Variants in ECE1 observed in about 807,000 individuals in gnomAD.
ECE1 encodes the protein endothelin-converting enzyme 1.
A neutral mutation model predicts 98.6 loss-of-function variants in ECE1; 35 were observed. The observed-to-expected ratio is 0.35, with a 90% CI of 0.27 to 0.47. ECE1 has a LOEUF of 0.47. Among genes scored for constraint, ECE1 ranks in the 20% least tolerant of loss-of-function variants. The pLI is 1.00. For synonymous variants in ECE1, 394 were observed against 407.1 expected, an observed-to-expected ratio of 0.97 and a Z score of 0.39; for missense variants, 814 against 1,025.3, an observed-to-expected ratio of 0.79 and a Z score of 2.81.
In ECE1 at chr1:21,340,459, G is replaced by A. The variant is rs1196683846; in HGVS notation, c.3+4917C>T. Among the ~76,000 whole-genome samples, 1 of 152,202 alleles carries A rather than the reference G, an allele frequency of 6.6e-6. No individual in the cohort carries two copies. The highest frequency in any genetic ancestry group is 1.5e-5 in the Non-Finnish European group (1 of 68,052). ...CCTCCTCACTGGTTTCCCAGCCTTC[G>A]GCCTCACTCCTTCTACTCAATCACC... is the stretch of plus-strand genomic sequence containing the variant. On this transcript the variant is annotated intron_variant, in intron 1 of 18. Coordinates refer to the ECE1 transcript ENST00000415912. The surrounding 1 kb of genome is among the most constrained non-coding windows in gnomAD (Gnocchi z 4.6).
intron 4 of ECE1, among the ~76,000 whole-genome samples, chr1:21,270,304 T>C (rs1041226747): frequency 6.6e-6 from 1 of 152,232 alleles, no homozygotes; most frequent in African/African-American, 2.4e-5. Flanking sequence ...CTAAAGAGCA[T>C]GGTACAGTGC....
intron 14 of ECE1, among the ~76,000 whole-genome samples, chr1:21,231,243 G>A (rs1160843852): frequency 3.3e-5 from 5 of 152,238 alleles, no homozygotes; most frequent in Non-Finnish European, 7.3e-5. Context: ...GGGGAAGGGT[G>A]AGTGAGGAGT....
At chr1:21,308,050 C>T (rs1490643362) in intron 1 of ECE1, among the ~76,000 whole-genome samples, 1 of 152,184 alleles carries the variant, frequency 6.6e-6, no homozygotes, top group Non-Finnish European at 1.5e-5. Context: ...CATGAACGAG[C>T]TTGCTCCCAC....
In ECE1 at chr1:21,281,191, G is replaced by GAAAACAAAAC. The variant is rs112901908; in HGVS notation, c.139-1869_139-1860dup. Among the ~76,000 whole-genome samples the GAAAACAAAAC allele has an allele frequency of 3.1e-3, 475 of 151,720 alleles. 3 individuals carry two copies. Among genetic ancestry groups the GAAAACAAAAC allele is most frequent in the African/African-American group, 0.011 (446 of 41,220 alleles). On this transcript the variant is annotated intron_variant, in intron 2 of 18. Transcript: ENST00000374893. ...GGCGACAGAGCAAGACTCCGTCTCG[G>GAAAACAAAAC]AAAACAAAACAAAACAAAACAAAAC...
chr1:21,260,473 C>A lies in ECE1; in HGVS notation c.494-81G>T. Reference sequence around the variant, plus strand: ...TTTGGGGCAGTCCCTCTTTTCGGAGCCTTGGTGTTCTCAGCTGCAAAGGAG... The same window carrying A: ...TTTGGGGCAGTCCCTCTTTTCGGAGACTTGGTGTTCTCAGCTGCAAAGGAG... On this transcript the variant is annotated intron_variant, in intron 4 of 18. Coordinates refer to ENST00000374893, the MANE Select transcript of ECE1 (RefSeq NM_001397.3). The surrounding 1 kb of genome is among the most constrained non-coding windows in gnomAD (Gnocchi z 4.3). 3.2e-6 allele frequency: 5 copies of A among 1,555,408 alleles called. No individual in the cohort carries two copies. Among genetic ancestry groups the A allele is most frequent in the Non-Finnish European group, 4.4e-6 (5 of 1,129,248 alleles).
At chr1:21,291,238 C>T (rs2098266338), upstream of ECE1, among the ~76,000 whole-genome samples, 1 of 152,150 alleles carries the variant, frequency 6.6e-6, no homozygotes, top group South Asian at 2.1e-4. Context: ...CAGCACTGTC[C>T]CAACCAAGAA....
intron 17 of ECE1, among the ~76,000 whole-genome samples, chr1:21,222,458 T>C (rs2098168705): frequency 2.6e-5 from 4 of 152,106 alleles, no homozygotes; most frequent in African/African-American, 9.7e-5. Context: ...TGGCAAACCT[T>C]TTCTGTGGAT....
chr1:21,281,562 T>G (rs1395811159), intron 2 of ECE1, among the ~76,000 whole-genome samples: 1 of 152,248 alleles, frequency 6.6e-6, no homozygotes, highest in African/African-American at 2.4e-5. Flanking sequence ...GGGACTGCCT[T>G]GCCTAGGGAC....
chr1:21,315,527 C>T (rs1400041120), intron 1 of ECE1, among the ~76,000 whole-genome samples: 1 of 152,142 alleles, frequency 6.6e-6, no homozygotes, highest in Non-Finnish European at 1.5e-5. Context: ...GGCATGGGGG[C>T]TCAGGTTTGT....
chr1:21,264,380 A>T (rs212536), intron 4 of ECE1, among the ~76,000 whole-genome samples: 86,189 of 148,662 alleles, frequency 0.58, 25,302 homozygotes, highest in East Asian at 0.9. Context: ...AGTGGCACGA[A>T]CTTGGCTCAC....
intron 1 of ECE1, among the ~76,000 whole-genome samples, chr1:21,323,618 C>T (rs1004077220): frequency 6.1e-5 from 9 of 146,522 alleles, no homozygotes; most frequent in Admixed American, 1.4e-4. Context: ...AGTGGCACCC[C>T]GTCCCAAAAA....
chr1:21,269,536 T>C (rs920690749), intron 4 of ECE1, among the ~76,000 whole-genome samples: 1 of 152,202 alleles, frequency 6.6e-6, no homozygotes, highest in Non-Finnish European at 1.5e-5. Context: ...CCTAAAAATC[T>C]GGGTGACCTC....
rs561023475 is a variant in ECE1 at position 21,326,380 on chromosome 1, G to A, written c.3+18996C>T. On this transcript the variant is annotated intron_variant, in intron 1 of 18. Transcript: ENST00000415912. ...TGGGAGACCGTGGGGTGTGTGTGTC[G>A]GGGGTGCTGGTCTCTAAGACAGCAG... 3.9e-5 allele frequency among the ~76,000 whole-genome samples: 6 copies of A among 152,152 alleles called. No individual in the cohort carries two copies. The South Asian group carries it at 1.2e-3, about 32-fold the overall frequency.
intron 17 of ECE1, among the ~76,000 whole-genome samples, chr1:21,222,612 A>G (rs1305339087): frequency 6.6e-6 from 1 of 152,100 alleles, no homozygotes; most frequent in Non-Finnish European, 1.5e-5. Flanking sequence ...AGGCCCAGGC[A>G]GGTGGATCAC....
At chr1:21,316,069 T>C (rs1275293367) in intron 1 of ECE1, among the ~76,000 whole-genome samples, 1 of 152,188 alleles carries the variant, frequency 6.6e-6, no homozygotes. Context: ...GCACATGTCC[T>C]CTTGTCTAGG....
chr1:21,289,660 G>A (rs1265249674), intron 2 of ECE1, among the ~76,000 whole-genome samples: 2 of 152,164 alleles, frequency 1.3e-5, no homozygotes, highest in Admixed American at 1.3e-4. Flanking sequence ...TGGGTTCCAG[G>A]GATGCAGGGC....
chr1:21,233,304 G>A lies in ECE1; in HGVS notation c.1670+254C>T, dbSNP rs867474932. 3.5e-5 allele frequency: 16 copies of A among 452,284 alleles called. No homozygotes were observed. Among genetic ancestry groups the A allele is most frequent in the South Asian group, 4.9e-5 (2 of 40,840 alleles). The allele number at this position is 452,284 out of a possible 1,614,324, so 28.0% of individuals were successfully genotyped here. On this transcript the variant is annotated intron_variant, in intron 14 of 18. Coordinates refer to ENST00000374893, the MANE Select transcript of ECE1 (RefSeq NM_001397.3). The surrounding 1 kb of genome is among the most constrained non-coding windows in gnomAD (Gnocchi z 4.0). ...GGAGACAAGGTGCCAGATCGGCTCC[G>A]CTCCAGAGGCCAGGCTCACCCTGCC... is the stretch of plus-strand genomic sequence containing the variant.
At chr1:21,338,514 T>C (rs1238820054) in intron 1 of ECE1, among the ~76,000 whole-genome samples, 6 of 152,148 alleles carry the variant, frequency 3.9e-5, no homozygotes, top group Non-Finnish European at 8.8e-5. Flanking sequence ...AGTGAGGAAG[T>C]GGTGGGGCTG....
chr1:21,294,253 C>T (rs1638292266), upstream of ECE1: 1 of 152,358 alleles, frequency 6.6e-6, no homozygotes, highest in Non-Finnish European at 1.5e-5. This position sits in a 1 kb window ranked among gnomAD's most constrained non-coding sequence, Gnocchi z 4.2. Flanking sequence ...CAGACTGAGG[C>T]TCTGGGCTGA....
Sources: allele counts gnomAD v4.1 joint callset (sites outside exome capture counted in the v4.1 genomes callset), GRCh38; gene constraint gnomAD v4.1.1; non-coding constraint Gnocchi (gnomAD v3.1); transcripts MANE v1.5; gene names NCBI Gene and HGNC (gene_info 2026-07-23, HGNC 2026-07-21).